Variants in ASPHD1 observed in about 807,000 individuals in gnomAD.
ASPHD1 encodes the protein aspartate beta-hydroxylase domain containing 1.
Under a neutral mutation model 28.3 loss-of-function variants are expected in ASPHD1, and 20 were observed. The ratio of observed to expected loss-of-function variants is 0.71; its 90% CI spans 0.50 to 1.03. The LOEUF (loss-of-function observed/expected upper bound fraction) is 1.03. Ranked by LOEUF, ASPHD1 falls within the 50% of genes least tolerant of loss-of-function variation. The pLI, the probability that ASPHD1 is intolerant of heterozygous loss-of-function variation, is 0.00. For synonymous variants in ASPHD1, 240 were observed against 221.2 expected (o/e 1.08, Z -0.75); for missense variants, 479 against 524.1 (o/e 0.91, Z 0.84).
intron 2 of ASPHD1, chr16:29,905,194 G>A (rs576982911): frequency 2.8e-5 from 12 of 432,654 alleles, no homozygotes; most frequent in South Asian, 1.1e-4. Flanking sequence ...ACAGAAAAGC[G>A]GTTACCAGCA....
In ASPHD1 at chr16:29,901,860, C is replaced by T. The variant is rs2068553779; in HGVS notation, c.889C>T (p.Pro297Ser). The T allele has an allele frequency of 6.5e-7, 1 of 1,539,354 alleles. No individual in the cohort carries two copies. The highest frequency in any genetic ancestry group is 8.7e-7 in the Non-Finnish European group (1 of 1,144,892). Residue 297 changes from proline to serine, a missense_variant, in exon 1 of 3, where the codon CCT becomes TCT. Coordinates refer to ENST00000308748, the MANE Select transcript of ASPHD1 (RefSeq NM_181718.4). This position sits in a 1 kb window ranked among gnomAD's most constrained non-coding sequence, Gnocchi z 5.1. ...CAATGCCGGCTTTTCCGTTCTCCTG[C>T]CTGGGGCCCGGCTCGAGGGCCGCTG... ...FGNAGFSVLLPGARLEGRCGP... is the reference protein window; with the variant it reads ...FGNAGFSVLLSGARLEGRCGP...
chr16:29,909,768 T>C (rs565088726), downstream of ASPHD1, among the ~76,000 whole-genome samples: 1 of 151,760 alleles, frequency 6.6e-6, no homozygotes, highest in African/African-American at 2.4e-5. Flanking sequence ...AGCTCCCTGC[T>C]GCCTCAAATT....
At chr16:29,910,122 G>A (rs1159962189), downstream of ASPHD1, among the ~76,000 whole-genome samples, 2 of 151,042 alleles carry the variant, frequency 1.3e-5, no homozygotes, top group Non-Finnish European at 3.0e-5. Context: ...AAAATAGGCT[G>A]GGGGCAGTGG....
At position 29,906,049 on chromosome 16, in the gene ASPHD1, TCTC is replaced by T. The variant is rs1259695713; in HGVS notation, c.*155_*157del. The T allele has an allele frequency of 3.7e-6, 2 of 547,322 alleles. No individual in the cohort carries two copies. Among genetic ancestry groups the T allele is most frequent in the South Asian group, 2.6e-5 (1 of 38,356 alleles). 33.9% of individuals were successfully genotyped at this position (547,322 alleles called of 1,614,324 possible). ...GCACTGAAATATAAATTCTGAATCC[TCTC>T]CTAACTCCCGACTACTTCCTTCGCA... On this transcript the variant is annotated 3_prime_UTR_variant, in exon 3 of 3. Coordinates refer to ENST00000308748, the MANE Select transcript of ASPHD1 (RefSeq NM_181718.4).
At chr16:29,911,802 C>G in intron 3 of ASPHD1, 6 of 1,612,220 alleles carry the variant, frequency 3.7e-6, no homozygotes, top group Non-Finnish European at 2.5e-6. Flanking sequence ...GTGCCCCGCA[C>G]CCCGGCGGTC....
At chr16:29,912,629 G>A (rs547771342) in intron 3 of ASPHD1, among the ~76,000 whole-genome samples, 11 of 152,150 alleles carry the variant, frequency 7.2e-5, no homozygotes, top group East Asian at 1.9e-4. Flanking sequence ...TAGTAGAGAC[G>A]AGGTTTCTCC....
chr16:29,907,613 C>G (rs561777439), downstream of ASPHD1, among the ~76,000 whole-genome samples: 11 of 151,670 alleles, frequency 7.3e-5, no homozygotes, highest in Non-Finnish European at 1.3e-4. Flanking sequence ...ATGGTGTAAC[C>G]CCATCTCTAC....
downstream of ASPHD1, among the ~76,000 whole-genome samples, chr16:29,907,386 C>A (rs780521404): frequency 2.0e-5 from 3 of 152,204 alleles, no homozygotes; most frequent in Non-Finnish European, 4.4e-5. Flanking sequence ...AGTGAGTGCA[C>A]TGCACCAGGT....
rs189379373 is a variant in ASPHD1, at chr16:29,901,548, C to A, written c.577C>A (p.Pro193Thr). ...GIQRPGLLFL[P>T]DLPSAPFVPR... is the part of the protein sequence containing the mutation. ...TCAGCGCCCAGGCCTGCTTTTCCTA[C>A]CAGACCTGCCTTCAGCCCCCTTTGT... Residue 193 changes from proline (P) to threonine (T), a missense_variant, in exon 1 of 3, where the codon CCA (proline) becomes ACA (threonine). Coordinates refer to ENST00000308748, the MANE Select transcript of ASPHD1 (RefSeq NM_181718.4). This position sits in a 1 kb window ranked among gnomAD's most constrained non-coding sequence, Gnocchi z 5.1. The A allele has an allele frequency of 1.3e-6, 2 of 1,560,768 alleles. No homozygotes were observed. Among genetic ancestry groups the A allele is most frequent in the Admixed American group, 3.9e-5 (2 of 51,542 alleles).
chr16:29,906,149 T>TTTC (rs1327654900), downstream of ASPHD1: 2 of 126,124 alleles, frequency 1.6e-5, no homozygotes, highest in African/African-American at 6.5e-5. Context: ...TTTTTCTTTC[T>TTTC]TTTTTTTTTT....
At chr16:29,904,503 G>A (rs2068582387) in intron 1 of ASPHD1, among the ~76,000 whole-genome samples, 1 of 150,800 alleles carries the variant, frequency 6.6e-6, no homozygotes. Context: ...TGTAATCCCA[G>A]CAGCTACTCA....
At chr16:29,915,450 G>C (rs1267539556) in intron 3 of ASPHD1, 1 of 152,062 alleles carries the variant, frequency 6.6e-6, no homozygotes, top group African/African-American at 2.4e-5. Flanking sequence ...TCAGGAGTTT[G>C]AGACTAGCCT....
rs890782892 is a variant in ASPHD1 at position 29,912,806 on chromosome 16, T to A, written c.*63-6725T>A. On this transcript the variant is annotated intron_variant and NMD_transcript_variant, in intron 3 of 3. Coordinates refer to the ASPHD1 transcript ENST00000414952. ...TCTAACTTTTTGTATTTGTTTATGA[T>A]CTGTCTCTTCCCACCTAGGAATAAC... Among the ~76,000 whole-genome samples, 3 of 152,252 alleles carry A rather than the reference T, an allele frequency of 2.0e-5. No individual in the cohort carries two copies. The East Asian group carries it at 5.8e-4, about 29-fold the overall frequency.
rs765144924 is a variant in ASPHD1 at position 29,904,862 on chromosome 16, C to T, written c.960C>T (p.Ile320=). Residue 320 remains isoleucine, a synonymous_variant, in exon 2 of 3, where the codon ATC becomes ATT. Transcript: ENST00000308748. ...ARVRCHLGLK[I]PPGCELVVGG... is the part of the protein sequence containing the mutation. ...CGTCTCTTCTTACAGGCCTAAAGAT[C>T]CCTCCTGGCTGTGAGCTGGTGGTCG... is the stretch of plus-strand genomic sequence containing the variant. The T allele has an allele frequency of 1.2e-6, 2 of 1,610,992 alleles. No homozygotes were observed. The highest frequency in any genetic ancestry group is 2.2e-5 in the South Asian group (2 of 90,704).
chr16:29,905,435 G>C (rs926499008), intron 2 of ASPHD1, among the ~76,000 whole-genome samples: 5 of 151,912 alleles, frequency 3.3e-5, no homozygotes, highest in African/African-American at 9.7e-5. Flanking sequence ...AGACCAGCCT[G>C]GCCAACATGG....
intron 3 of ASPHD1, among the ~76,000 whole-genome samples, chr16:29,917,294 A>G (rs1339648982): frequency 1.3e-5 from 2 of 152,128 alleles, no homozygotes; most frequent in Non-Finnish European, 2.9e-5. Flanking sequence ...CTTCACAATC[A>G]TATTTACAAA....
intron 1 of ASPHD1, among the ~76,000 whole-genome samples, chr16:29,903,737 C>G (rs1393986111): frequency 2.6e-5 from 4 of 152,058 alleles, no homozygotes; most frequent in Non-Finnish European, 2.9e-5. Flanking sequence ...ATCCCCTTCC[C>G]CCGTACCACC....
downstream of ASPHD1, chr16:29,906,114 G>T: frequency 2.7e-6 from 1 of 368,508 alleles, no homozygotes; most frequent in East Asian, 4.7e-5. Flanking sequence ...TCTTCTCCTA[G>T]TACAACCAAA....
intron 3 of ASPHD1, among the ~76,000 whole-genome samples, chr16:29,916,234 T>C (rs950019162): frequency 6.6e-6 from 1 of 152,184 alleles, no homozygotes; most frequent in Non-Finnish European, 1.5e-5. Flanking sequence ...TGGACTCTTA[T>C]TAACAGACTT....
Sources: gnomAD v4.1 joint callset for allele counts (sites outside exome capture counted in the v4.1 genomes callset) on GRCh38, gnomAD v4.1.1 for gene constraint, Gnocchi (gnomAD v3.1) non-coding constraint, MANE v1.5 for transcripts, NCBI Gene and HGNC (gene_info 2026-07-23, HGNC 2026-07-21) for gene names.